The following RBFOX1 variants were observed in gnomAD, a reference collection of about 807,000 sequenced individuals.
RBFOX1 encodes the protein RNA binding protein fox-1 homolog 1.
A neutral mutation model predicts 57.7 loss-of-function variants in RBFOX1; 8 were observed. That is an observed-to-expected ratio of 0.14 (90% CI 0.08 to 0.25). The LOEUF (loss-of-function observed/expected upper bound fraction) is 0.25, where lower values mean the gene tolerates loss of function less well. RBFOX1 is among the 10% of genes least tolerant of loss of function. RBFOX1 has a pLI of 1.00. For missense variants in RBFOX1, 611 were observed against 548.5 expected (o/e 1.11, Z -1.14); for synonymous variants, 326 against 222.4 (o/e 1.47, Z -4.15).
chr16:6,871,911 C>CTG (rs57684251), intron 3 of RBFOX1, among the ~76,000 whole-genome samples: 7,653 of 129,562 alleles, frequency 0.059, 309 homozygotes, highest in African/African-American at 0.099. Flanking sequence ...GGGAGAGAGT[C>CTG]TGTGTGTGTG....
intron 1 of RBFOX1, among the ~76,000 whole-genome samples, chr16:6,082,432 G>A (rs146833484): frequency 3.2e-3 from 427 of 134,336 alleles, no homozygotes; most frequent in African/African-American, 0.012. Flanking sequence ...TGACCTCAGA[G>A]TGCTGGGATT....
rs1189467506 is a variant in RBFOX1 at position 7,318,766 on chromosome 16, C to T, written c.28-199381C>T. ...AGGCTGAAAAGGCTGTCTTTGCCTTCTCTCAACCGCCAGACCCACCCCCCA... is the reference window on the plus strand; with the variant it reads ...AGGCTGAAAAGGCTGTCTTTGCCTTTTCTCAACCGCCAGACCCACCCCCCA... On this transcript the variant is annotated intron_variant, in intron 4 of 15. Coordinates refer to ENST00000550418, the MANE Select transcript of RBFOX1 (RefSeq NM_018723.4). 3.3e-5 allele frequency among the ~76,000 whole-genome samples: 5 copies of T among 152,152 alleles called. No individual in the cohort carries two copies. The East Asian group carries it at 7.7e-4, about 23-fold the overall frequency.
chr16:6,921,373 G>A (rs1456874845), intron 3 of RBFOX1, among the ~76,000 whole-genome samples: 2 of 152,096 alleles, frequency 1.3e-5, no homozygotes, highest in Non-Finnish European at 2.9e-5. Flanking sequence ...GCTCAAATGG[G>A]GATGGATATG....
chr16:5,737,808 T>C (rs2052632515), intron 3 of RBFOX1, among the ~76,000 whole-genome samples: 1 of 152,182 alleles, frequency 6.6e-6, no homozygotes, highest in Non-Finnish European at 1.5e-5. Flanking sequence ...TATATCTCAA[T>C]AAAGTCTGGT....
At position 7,172,265 on chromosome 16, in the gene RBFOX1, A is replaced by C. The variant is rs182463115; in HGVS notation, c.27+120167A>C. ...TAAATTTACCACCATAGGGTTTTCA[A>C]ACCCCATCAAAAAAACCACTTCTTT... is the stretch of plus-strand genomic sequence containing the variant. On this transcript the variant is annotated intron_variant, in intron 4 of 15. Coordinates refer to ENST00000550418, the MANE Select transcript of RBFOX1 (RefSeq NM_018723.4). Among the ~76,000 whole-genome samples the C allele has an allele frequency of 2.6e-4, 40 of 152,276 alleles. No homozygotes were observed. The East Asian group carries it at 6.9e-3, about 26-fold the overall frequency.
At chr16:6,798,526 G>T (rs1454326172) in intron 3 of RBFOX1, among the ~76,000 whole-genome samples, 14 of 152,056 alleles carry the variant, frequency 9.2e-5, no homozygotes, top group Admixed American at 9.2e-4. Context: ...TAAATAGGAA[G>T]CCCAGATAAC....
intron 1 of RBFOX1, among the ~76,000 whole-genome samples, chr16:5,410,748 C>G (rs1159803660): frequency 2.0e-5 from 3 of 151,392 alleles, no homozygotes; most frequent in African/African-American, 7.3e-5. Flanking sequence ...CCAGCTGTTC[C>G]TCCTGTTTAC....
intron 1 of RBFOX1, among the ~76,000 whole-genome samples, chr16:6,119,604 T>C (rs1326967187): frequency 6.6e-6 from 1 of 152,248 alleles, no homozygotes; most frequent in African/African-American, 2.4e-5. Flanking sequence ...CCTCCATTTA[T>C]TCAGTATTTA....
At chr16:6,052,183 C>T (rs72772823) in intron 1 of RBFOX1, among the ~76,000 whole-genome samples, 8,843 of 152,208 alleles carry the variant, frequency 0.058, 474 homozygotes, top group East Asian at 0.29. Flanking sequence ...GGTGTCCCTC[C>T]GTTTCCAGTC....
At chr16:6,342,673 A>G (rs1322456407) in intron 2 of RBFOX1, among the ~76,000 whole-genome samples, 1 of 152,180 alleles carries the variant, frequency 6.6e-6, no homozygotes, top group Admixed American at 6.5e-5. Flanking sequence ...CATTTCTTCC[A>G]AATATAACCT....
At chr16:6,538,190 A>G (rs1473336128) in intron 2 of RBFOX1, among the ~76,000 whole-genome samples, 1 of 152,216 alleles carries the variant, frequency 6.6e-6, no homozygotes. Flanking sequence ...ACCATTAGTC[A>G]TTAGAGAAAT....
At chr16:6,873,199 G>A (rs75158501) in intron 3 of RBFOX1, among the ~76,000 whole-genome samples, 11,536 of 151,492 alleles carry the variant, frequency 0.076, 477 homozygotes, top group South Asian at 0.12. Context: ...ACGAGGAGTA[G>A]AGATTTTTGC....
At chr16:7,280,841 C>A (rs2095526357) in intron 4 of RBFOX1, among the ~76,000 whole-genome samples, 1 of 152,008 alleles carries the variant, frequency 6.6e-6, no homozygotes, top group Non-Finnish European at 1.5e-5. Context: ...GGTGCAAAAT[C>A]ACCCACTGCT....
intron 3 of RBFOX1, among the ~76,000 whole-genome samples, chr16:6,900,276 A>G (rs939029084): frequency 4.6e-5 from 7 of 152,096 alleles, no homozygotes; most frequent in East Asian, 3.9e-4. Context: ...CAATATGTGT[A>G]TTTCTCTGTA....
chr16:6,767,844 G>T (rs770970081), intron 3 of RBFOX1, among the ~76,000 whole-genome samples: 3 of 151,472 alleles, frequency 2.0e-5, no homozygotes, highest in African/African-American at 4.9e-5. Context: ...AACCCGGGAG[G>T]TGGAGGTTGC....
intron 4 of RBFOX1, among the ~76,000 whole-genome samples, chr16:7,062,608 C>T (rs2054724748): frequency 6.6e-6 from 1 of 152,150 alleles, no homozygotes; most frequent in Non-Finnish European, 1.5e-5. Flanking sequence ...ATCACAACAC[C>T]TGTCCCTAGC....
intron 4 of RBFOX1, among the ~76,000 whole-genome samples, chr16:7,232,812 C>T (rs2093576400): frequency 6.9e-6 from 1 of 145,598 alleles, no homozygotes; most frequent in Non-Finnish European, 1.5e-5. Flanking sequence ...TTGGTCATTA[C>T]ACTCCAGCCT....
intron 3 of RBFOX1, among the ~76,000 whole-genome samples, chr16:6,754,703 G>T (rs1004984760): frequency 2.4e-4 from 35 of 148,536 alleles, no homozygotes; most frequent in African/African-American, 6.7e-4. Flanking sequence ...ATGGAATGTT[G>T]TTTTTTTTTT....
intron 4 of RBFOX1, among the ~76,000 whole-genome samples, chr16:7,264,366 CAG>C (rs1480990256): frequency 6.6e-6 from 1 of 152,196 alleles, no homozygotes; most frequent in African/African-American, 2.4e-5. Flanking sequence ...ATGAGAAACT[CAG>C]AAGGTGCAAA....
Sources: allele counts gnomAD v4.1 joint callset (sites outside exome capture counted in the v4.1 genomes callset), GRCh38; gene constraint gnomAD v4.1.1; transcripts MANE v1.5; gene names NCBI Gene and HGNC (gene_info 2026-07-23, HGNC 2026-07-21).